PCDHA3: variants seen among roughly 807,000 people sequenced by gnomAD.
PCDHA3 encodes protocadherin alpha-3.
Under a neutral mutation model 62.2 loss-of-function variants are expected in PCDHA3, and 41 were observed. That is an observed-to-expected ratio of 0.66 (90% CI 0.51 to 0.86). PCDHA3 has a LOEUF of 0.86. Among genes scored for constraint, PCDHA3 ranks in the 40% least tolerant of loss-of-function variants. PCDHA3 has a pLI of 0.00. For missense variants in PCDHA3, 1,304 were observed against 1,241.2 expected (o/e 1.05, Z -0.76); for synonymous variants, 640 against 555.4 (o/e 1.15, Z -2.14).
chr5:140,882,882 T>C (rs1554175954), intron 1 of PCDHA3: 2 of 1,614,206 alleles, frequency 1.2e-6, no homozygotes, highest in Non-Finnish European at 1.7e-6. Context: ...AGAGAGGAAA[T>C]TCAGGAACAT....
intron 1 of PCDHA3, chr5:140,881,365 T>G (rs1216010175): frequency 2.0e-6 from 2 of 985,144 alleles, no homozygotes; most frequent in Non-Finnish European, 2.4e-6. Context: ...GGCTTTCGTA[T>G]GAATTGCAGC....
intron 1 of PCDHA3, among the ~76,000 whole-genome samples, chr5:140,935,239 A>G (rs1554210410): frequency 1.3e-5 from 2 of 152,172 alleles, no homozygotes. Flanking sequence ...TCTATTTTTT[A>G]AAAGATAAAA....
chr5:140,851,076 A>C (rs782314087), intron 1 of PCDHA3: 1 of 1,337,516 alleles, frequency 7.5e-7, no homozygotes, highest in Non-Finnish European at 9.8e-7. Flanking sequence ...AGAATTATAA[A>C]CTGTATATTA....
rs1554217734 is a variant in PCDHA3 at position 140,946,611 on chromosome 5, A to AATATATATATATATATATATATATATAT, written c.2395-32317_2395-32316insTATATATATATATATATATATATATATA. Among the ~76,000 whole-genome samples, 579 of 86,182 alleles carry AATATATATATATATATATATATATATAT rather than the reference A, an allele frequency of 6.7e-3. 16 individuals are homozygous for AATATATATATATATATATATATATATAT. The highest frequency in any genetic ancestry group is 0.011 in the Middle Eastern group (2 of 184). 56.5% of individuals were successfully genotyped at this position (86,182 alleles called of 152,430 possible). A position where few individuals can be genotyped will look rare whatever the true frequency, so the allele number is the denominator to read the frequency against. On this transcript the variant is annotated intron_variant, in intron 1 of 3. Transcript: ENST00000522353. ...GGATGAATAGATAAAGAAAATGTGA[A>AATATATATATATATATATATATATATAT]ATATATATATATATATATATACAAT...
At chr5:140,879,634 C>T (rs888836313) in intron 1 of PCDHA3, among the ~76,000 whole-genome samples, 2 of 152,306 alleles carry the variant, frequency 1.3e-5, no homozygotes, top group Admixed American at 1.3e-4. Context: ...GTAAGTGTGT[C>T]GCTTCCTGTG....
At chr5:140,924,244 C>G (rs1375839311) in intron 1 of PCDHA3, among the ~76,000 whole-genome samples, 1 of 152,152 alleles carries the variant, frequency 6.6e-6, no homozygotes, top group Non-Finnish European at 1.5e-5. Context: ...TGTTTTGCAT[C>G]CTGGTGAGAT....
rs782803218 is a variant in PCDHA3, at chr5:140,802,374, G to C, written c.1177G>C (p.Val393Leu). ...GGTCACCTGCTCGCTGACGCCCCAC[G>C]TCCCCTTCAAGCTGGTGTCCACCTT... ...GQVTCSLTPHVPFKLVSTFKN... is the reference protein window; with the variant it reads ...GQVTCSLTPHLPFKLVSTFKN... The change falls in exon 1 of 4, where the codon GTC becomes CTC. Residue 393 changes from valine to leucine, a missense_variant. Transcript: ENST00000522353. 2 of 1,614,200 alleles carry C rather than the reference G, an allele frequency of 1.2e-6. No individual in the cohort carries two copies. The highest frequency in any genetic ancestry group is 3.3e-5 in the Admixed American group (2 of 60,026).
chr5:141,006,127 C>CA (rs2098257011), intron 3 of PCDHA3, among the ~76,000 whole-genome samples: 1 of 147,760 alleles, frequency 6.8e-6, no homozygotes, highest in Admixed American at 6.7e-5. Flanking sequence ...TTTCTCAAGG[C>CA]AGTAGAAAGC....
chr5:140,861,926 G>A (rs994509144), intron 1 of PCDHA3: 10 of 153,960 alleles, frequency 6.5e-5, no homozygotes, highest in African/African-American at 2.2e-4. Context: ...GGATGTAAAT[G>A]ATGATGCCCA....
intron 1 of PCDHA3, chr5:140,968,944 G>C (rs782732835): frequency 1.2e-6 from 2 of 1,614,152 alleles, no homozygotes; most frequent in Non-Finnish European, 8.5e-7. Context: ...TCATCATTTT[G>C]AGCATCATCA....
In PCDHA3 at chr5:140,857,966, G is replaced by C. The variant is rs1212933789; in HGVS notation, c.2394+54375G>C. 1.9e-6 allele frequency: 3 copies of C among 1,596,950 alleles called. No individual in the cohort carries two copies. The highest frequency in any genetic ancestry group is 1.1e-5 in the South Asian group (1 of 90,498). ...TACGACGCGCGCTCTGGATGAGACT[G>C]ACTCGCCACGCCAGCGCCTACTGGT... is the stretch of plus-strand genomic sequence containing the variant. On this transcript the variant is annotated intron_variant, in intron 1 of 3. Transcript: ENST00000522353.
intron 1 of PCDHA3, among the ~76,000 whole-genome samples, chr5:140,873,786 G>A (rs1354744282): frequency 3.3e-5 from 5 of 152,056 alleles, no homozygotes; most frequent in Non-Finnish European, 7.4e-5. Flanking sequence ...TCAGCTTTCC[G>A]AGAAGCTGGG....
At position 140,843,778 on chromosome 5, in the gene PCDHA3, G is replaced by C. The variant is rs2150366653; in HGVS notation, c.2394+40187G>C. 3.5e-6 allele frequency: 5 copies of C among 1,441,518 alleles called. No individual in the cohort carries two copies. The East Asian group carries it at 1.1e-4, about 33-fold the overall frequency. The allele number at this position is 1,441,518 out of a possible 1,614,324, so 89.3% of individuals were successfully genotyped here. A position where few individuals can be genotyped will look rare whatever the true frequency, so the allele number is the denominator to read the frequency against. On this transcript the variant is annotated intron_variant, in intron 1 of 3. Transcript: ENST00000522353. ...TGTGGAAATTGTAGTTACTTTAAAA[G>C]TGTTTCAGATTTAGTTTTTCACCGT...
chr5:140,954,536 T>C (rs1438016822), intron 1 of PCDHA3, among the ~76,000 whole-genome samples: 3 of 152,248 alleles, frequency 2.0e-5, no homozygotes, highest in African/African-American at 7.2e-5. Flanking sequence ...GTTGAGGTTT[T>C]TTTCATATGT....
chr5:140,952,608 C>T (rs2153696668), intron 1 of PCDHA3, among the ~76,000 whole-genome samples: 1 of 152,282 alleles, frequency 6.6e-6, no homozygotes, highest in Non-Finnish European at 1.5e-5. Flanking sequence ...TCTAAGCTCT[C>T]CCTCATCTTC....
chr5:140,809,038 C>T (rs370669259), intron 1 of PCDHA3: 2 of 1,613,816 alleles, frequency 1.2e-6, no homozygotes, highest in South Asian at 2.2e-5. Flanking sequence ...GGACTGGTGG[C>T]GCGCGCATCC....
chr5:140,942,588 A>T (rs1416575390), intron 1 of PCDHA3, among the ~76,000 whole-genome samples: 1 of 149,588 alleles, frequency 6.7e-6, no homozygotes, highest in South Asian at 2.1e-4. Flanking sequence ...AGGATGTCAC[A>T]TATAATTATA....
chr5:140,869,144 T>A, intron 1 of PCDHA3: 1 of 1,613,654 alleles, frequency 6.2e-7, no homozygotes, highest in Non-Finnish European at 8.5e-7. Context: ...ACCCCACGAC[T>A]ACAGCTCTGG....
At chr5:140,857,404 T>G (rs150677637) in intron 1 of PCDHA3, 4 of 1,597,852 alleles carry the variant, frequency 2.5e-6, no homozygotes, top group African/African-American at 1.3e-5. Context: ...ACAACGCGCC[T>G]GCGTTCGCGC....
Sources: allele counts gnomAD v4.1 joint callset (sites outside exome capture counted in the v4.1 genomes callset), GRCh38; gene constraint gnomAD v4.1.1; transcripts MANE v1.5; gene names NCBI Gene and HGNC (gene_info 2026-07-23, HGNC 2026-07-21).